The following KRTAP2-4 variants were observed in gnomAD, a reference collection of about 807,000 sequenced individuals.
KRTAP2-4 encodes keratin-associated protein 2-4.
A neutral mutation model predicts 11.5 loss-of-function variants in KRTAP2-4; 7 were observed. The observed-to-expected ratio is 0.61, with a 90% CI of 0.35 to 1.15. The LOEUF is 1.15. Ranked by LOEUF, KRTAP2-4 falls within the 50% of genes most tolerant of loss-of-function variation. The pLI is 0.03. For synonymous variants in KRTAP2-4, 49 were observed against 77.9 expected, an observed-to-expected ratio of 0.63 and a Z score of 1.96; for missense variants, 93 against 183.2, an observed-to-expected ratio of 0.51 and a Z score of 2.84.
rs2013263766 is a variant in KRTAP2-4, at chr17:41,065,601, G to C, written c.245C>G (p.Ser82Trp). 6.6e-7 allele frequency: 1 copy of C among 1,515,454 alleles called. No homozygotes were observed. 93.9% of individuals were successfully genotyped at this position (1,515,454 alleles called of 1,614,324 possible). Residue 82 changes from serine to tryptophan, a missense_variant, in exon 1 of 1, where the codon TCG (serine) becomes TGG (tryptophan). Transcript: ENST00000394015. ...CCTGCACACCACAGCCGTGCACGAC[G>C]AGGGGCAGCAGGTGATGGGGCGGCA... is the stretch of plus-strand genomic sequence containing the variant. ...GCCRPITCCPSSCTAVVCRPC... is the reference protein window; with the variant it reads ...GCCRPITCCPWSCTAVVCRPC...
Position 41,065,484 on chromosome 17 carries a change from G to A in KRTAP2-4, c.362C>T (p.Thr121Ile). The change falls in exon 1 of 1, where the codon ACC becomes ATC. Residue 121 changes from threonine to isoleucine, a missense_variant. Thr to Ile is a moderately conservative substitution (Grantham distance 89). Coordinates refer to ENST00000394015, the MANE Select transcript of KRTAP2-4 (RefSeq NM_033184.4). ...PPCGQPTPCS[T>I]TCRTSSC ...TCAGCAGGAGGAGGTCCTGCAGGTGGTGCTGCAAGGGGTCGGCTGGCCGCA... is the reference window on the plus strand; with the variant it reads ...TCAGCAGGAGGAGGTCCTGCAGGTGATGCTGCAAGGGGTCGGCTGGCCGCA... 1.9e-6 allele frequency: 3 copies of A among 1,580,692 alleles called. No homozygotes were observed. The highest frequency in any genetic ancestry group is 2.6e-6 in the Non-Finnish European group (3 of 1,164,276).
rs1331794572 is a variant in KRTAP2-4 at position 41,065,762 on chromosome 17, G to C, written c.84C>G (p.Pro28=). The C allele has an allele frequency of 1.3e-6, 2 of 1,525,232 alleles. No homozygotes were observed. The highest frequency in any genetic ancestry group is 1.8e-6 in the Non-Finnish European group (2 of 1,141,284). 94.5% of individuals were successfully genotyped at this position (1,525,232 alleles called of 1,614,324 possible). A position where few individuals can be genotyped will look rare whatever the true frequency, so the allele number is the denominator to read the frequency against. Residue 28 remains proline, a synonymous_variant, in exon 1 of 1, where the codon CCC becomes CCG. Coordinates refer to ENST00000394015, the MANE Select transcript of KRTAP2-4 (RefSeq NM_033184.4). The part of the protein sequence containing the change: ...GCCQPCCCRD[P]CCCRPVTCQT... ...GGCAGGTCACGGGGCGGCAGCAGCA[G>C]GGGTCGCGGCAGCAGCAGGGCTGGC... is the stretch of plus-strand genomic sequence containing the variant.
rs1208000073 is a variant in KRTAP2-4 at position 41,065,218 on chromosome 17, C to T, written c.*241G>A. On this transcript the variant is annotated 3_prime_UTR_variant, in exon 1 of 1. Coordinates refer to ENST00000394015, the MANE Select transcript of KRTAP2-4 (RefSeq NM_033184.4). ...ACCATCAGGTTGTAGAATGTGTTTG[C>T]AAAGTCCACCCCAGGAATTCTTAAA... The T allele has an allele frequency of 1.1e-5, 8 of 715,582 alleles. No individual in the cohort carries two copies. The African/African-American group carries it at 1.3e-4, about 11-fold the overall frequency. 44.3% of individuals were successfully genotyped at this position (715,582 alleles called of 1,614,324 possible). A position where few individuals can be genotyped will look rare whatever the true frequency, so the allele number is the denominator to read the frequency against.
chr17:41,065,317 T>C lies in KRTAP2-4; in HGVS notation c.*142A>G. 7.2e-7 allele frequency: 1 copy of C among 1,386,434 alleles called. No individual in the cohort carries two copies. The highest frequency in any genetic ancestry group is 9.5e-7 in the Non-Finnish European group (1 of 1,047,758). The allele number at this position is 1,386,434 out of a possible 1,614,324, so 85.9% of individuals were successfully genotyped here. On this transcript the variant is annotated 3_prime_UTR_variant, in exon 1 of 1. Transcript: ENST00000394015. ...ATGTGGGTGAGGGTGGTAATGGACG[T>C]CTGCTTACACCAGGCTGTATCCAGA...
chr17:41,065,399 T>G lies in KRTAP2-4; in HGVS notation c.*60A>C. The G allele has an allele frequency of 6.6e-7, 1 of 1,514,132 alleles. No individual in the cohort carries two copies. 93.8% of individuals were successfully genotyped at this position (1,514,132 alleles called of 1,614,324 possible). A position where few individuals can be genotyped will look rare whatever the true frequency, so the allele number is the denominator to read the frequency against. On this transcript the variant is annotated 3_prime_UTR_variant, in exon 1 of 1. Coordinates refer to ENST00000394015, the MANE Select transcript of KRTAP2-4 (RefSeq NM_033184.4). ...AAAAATCTATTTTTCTTTTAACTTT[T>G]TAAAAACACCAGATAGATGTTTAGG...
Position 41,065,879 on chromosome 17 carries a change from T to G in KRTAP2-4, c.-34A>C, listed in dbSNP as rs509089. The G allele has an allele frequency of 2.6e-3, 4,012 of 1,526,170 alleles. 45 individuals carry two copies. The highest frequency in any genetic ancestry group is 6.1e-3 in the Admixed American group (309 of 50,386). 94.5% of individuals were successfully genotyped at this position (1,526,170 alleles called of 1,614,324 possible). ...CTGAGGCTGGTGTGGGTTGGGCTAT[T>G]GAGAGGAGCTGGATGTTCTCAGGTG... On this transcript the variant is annotated 5_prime_UTR_variant, in exon 1 of 1. Coordinates refer to ENST00000394015, the MANE Select transcript of KRTAP2-4 (RefSeq NM_033184.4).
At position 41,065,729 on chromosome 17, in the gene KRTAP2-4, G is replaced by C. The variant is rs567834489; in HGVS notation, c.117C>G (p.Thr39=). 1.7e-4 allele frequency: 257 copies of C among 1,505,614 alleles called. No individual in the cohort carries two copies. In the East Asian group the frequency reaches 4.9e-3, roughly 29 times the overall value. The allele number at this position is 1,505,614 out of a possible 1,614,324, so 93.3% of individuals were successfully genotyped here. A position where few individuals can be genotyped will look rare whatever the true frequency, so the allele number is the denominator to read the frequency against. Residue 39 remains threonine (T), a synonymous_variant, in exon 1 of 1, where the codon ACC becomes ACG. Transcript: ENST00000394015. ...GCACGCAGGTCACGGGGCGGCACAC[G>C]GTGGTCTGGCAGGTCACGGGGCGGC... The part of the protein sequence containing the change: ...CCCRPVTCQT[T]VCRPVTCVPR...
In KRTAP2-4 at chr17:41,065,515, G is replaced by T. The variant is rs368479035; in HGVS notation, c.331C>A (p.Pro111Thr). The stretch of plus-strand genomic sequence containing the variant: ...CAAGGGGTCGGCTGGCCGCAGGGGG[G>T]CCGGCAGCAGGGGGACTGCACAGAC... ...PVSVQSPCCR[P>T]PCGQPTPCST... The change falls in exon 1 of 1, where the codon CCC becomes ACC. Residue 111 changes from proline to threonine, a missense_variant. By Grantham distance (38) the Pro-to-Thr change is conservative. Transcript: ENST00000394015. The T allele has an allele frequency of 2.0e-5, 29 of 1,436,746 alleles. 1 individual carries two copies. The South Asian group carries it at 3.5e-4, about 17-fold the overall frequency. 89.0% of individuals were successfully genotyped at this position (1,436,746 alleles called of 1,614,324 possible).
Position 41,065,629 on chromosome 17 carries a change from A to G in KRTAP2-4, c.217T>C (p.Cys73Arg). ...CCDPCSLQEG[C>R]CRPITCCPSS... ...GGGCAGCAGGTGATGGGGCGGCAGC[A>G]GCCTTCCTGCAGGGAGCAGGGGTCG... Residue 73 changes from cysteine to arginine, a missense_variant, in exon 1 of 1, where the codon TGC becomes CGC. Transcript: ENST00000394015. The G allele has an allele frequency of 6.7e-7, 1 of 1,503,102 alleles. No individual in the cohort carries two copies. Among genetic ancestry groups the G allele is most frequent in the South Asian group, 1.2e-5 (1 of 81,612 alleles). The allele number at this position is 1,503,102 out of a possible 1,614,324, so 93.1% of individuals were successfully genotyped here.
In KRTAP2-4 at chr17:41,065,432, G is replaced by A. The variant is rs939158380; in HGVS notation, c.*27C>T. 17 of 1,585,684 alleles carry A rather than the reference G, an allele frequency of 1.1e-5. No homozygotes were observed. Among genetic ancestry groups the A allele is most frequent in the Non-Finnish European group, 1.3e-5 (15 of 1,166,640 alleles). ...ACCAGATAGATGTTTAGGCTTCAGTGTATTGCTCTGTGGGGGCATTGGGGT... is the reference window on the plus strand; with the variant it reads ...ACCAGATAGATGTTTAGGCTTCAGTATATTGCTCTGTGGGGGCATTGGGGT... On this transcript the variant is annotated 3_prime_UTR_variant, in exon 1 of 1. Transcript: ENST00000394015.
In KRTAP2-4 at chr17:41,065,625, C is replaced by T; in HGVS notation, c.221G>A (p.Cys74Tyr). 7.3e-6 allele frequency: 11 copies of T among 1,504,062 alleles called. No individual in the cohort carries two copies. Among genetic ancestry groups the T allele is most frequent in the Non-Finnish European group, 9.8e-6 (11 of 1,124,058 alleles). The allele number at this position is 1,504,062 out of a possible 1,614,324, so 93.2% of individuals were successfully genotyped here. ...CDPCSLQEGC[C>Y]RPITCCPSSC... The stretch of plus-strand genomic sequence containing the variant: ...CGAGGGGCAGCAGGTGATGGGGCGG[C>T]AGCAGCCTTCCTGCAGGGAGCAGGG... Residue 74 changes from cysteine to tyrosine, a missense_variant, in exon 1 of 1, where the codon TGC (cysteine) becomes TAC (tyrosine). Transcript: ENST00000394015.
In KRTAP2-4 at chr17:41,065,227, C is replaced by T. The variant is rs1825371771; in HGVS notation, c.*232G>A. On this transcript the variant is annotated 3_prime_UTR_variant, in exon 1 of 1. Coordinates refer to ENST00000394015, the MANE Select transcript of KRTAP2-4 (RefSeq NM_033184.4). ...TTGTAGAATGTGTTTGCAAAGTCCA[C>T]CCCAGGAATTCTTAAAGGTCGATTT... 4 of 761,402 alleles carry T rather than the reference C, an allele frequency of 5.3e-6. No individual in the cohort carries two copies. Among genetic ancestry groups the T allele is most frequent in the Admixed American group, 3.1e-5 (1 of 32,200 alleles). 47.2% of individuals were successfully genotyped at this position (761,402 alleles called of 1,614,324 possible).
At position 41,065,663 on chromosome 17, in the gene KRTAP2-4, C is replaced by T. The variant is rs372017239; in HGVS notation, c.183G>A (p.Pro61=). ...TRPICEPCRR[P]VCCDPCSLQE... ...GCAGGGAGCAGGGGTCGCAGCACAC[C>T]GGGCGGCGGCAGGGCTCGCAGATGG... The change falls in exon 1 of 1, where the codon CCG becomes CCA. Residue 61 remains proline (P), a synonymous_variant. Coordinates refer to ENST00000394015, the MANE Select transcript of KRTAP2-4 (RefSeq NM_033184.4). The T allele has an allele frequency of 3.5e-5, 51 of 1,465,746 alleles. 1 individual carries two copies. The highest frequency in any genetic ancestry group is 3.5e-4 in the East Asian group (14 of 40,326). 90.8% of individuals were successfully genotyped at this position (1,465,746 alleles called of 1,614,324 possible).
rs1288309499 is a variant in KRTAP2-4 at position 41,065,613 on chromosome 17, G to A, written c.233C>T (p.Thr78Ile). The A allele has an allele frequency of 1.5e-5, 23 of 1,509,950 alleles. No individual in the cohort carries two copies. The highest frequency in any genetic ancestry group is 2.0e-5 in the Non-Finnish European group (22 of 1,127,702). The allele number at this position is 1,509,950 out of a possible 1,614,324, so 93.5% of individuals were successfully genotyped here. ...SLQEGCCRPI[T>I]CCPSSCTAVV... ...AGCCGTGCACGACGAGGGGCAGCAG[G>A]TGATGGGGCGGCAGCAGCCTTCCTG... The change falls in exon 1 of 1, where the codon ACC becomes ATC. Residue 78 changes from threonine (T) to isoleucine (I), a missense_variant. Thr to Ile is a moderately conservative substitution (Grantham distance 89, BLOSUM62 -1). Coordinates refer to ENST00000394015, the MANE Select transcript of KRTAP2-4 (RefSeq NM_033184.4).
rs931458225 is a variant in KRTAP2-4, at chr17:41,065,391, T to G, written c.*68A>C. ...TTGTGAAAAAAAATCTATTTTTCTT[T>G]TAACTTTTTAAAAACACCAGATAGA... On this transcript the variant is annotated 3_prime_UTR_variant, in exon 1 of 1. Coordinates refer to ENST00000394015, the MANE Select transcript of KRTAP2-4 (RefSeq NM_033184.4). 4.6e-6 allele frequency: 7 copies of G among 1,507,306 alleles called. No individual in the cohort carries two copies. The highest frequency in any genetic ancestry group is 5.3e-6 in the Non-Finnish European group (6 of 1,123,768). 93.4% of individuals were successfully genotyped at this position (1,507,306 alleles called of 1,614,324 possible). A position where few individuals can be genotyped will look rare whatever the true frequency, so the allele number is the denominator to read the frequency against.
Position 41,065,369 on chromosome 17 carries a change from T to C in KRTAP2-4, c.*90A>G. 1 of 1,485,568 alleles carries C rather than the reference T, an allele frequency of 6.7e-7. No individual in the cohort carries two copies. Among genetic ancestry groups the C allele is most frequent in the South Asian group, 1.4e-5 (1 of 74,058 alleles). The allele number at this position is 1,485,568 out of a possible 1,614,324, so 92.0% of individuals were successfully genotyped here. A position where few individuals can be genotyped will look rare whatever the true frequency, so the allele number is the denominator to read the frequency against. On this transcript the variant is annotated 3_prime_UTR_variant, in exon 1 of 1. Transcript: ENST00000394015. ...GGTAAAAATCACTATTGTCACCTTG[T>C]GAAAAAAAATCTATTTTTCTTTTAA...
rs947792038 is a variant in KRTAP2-4 at position 41,065,795 on chromosome 17, T to A, written c.51A>T (p.Gly17=). 6.5e-5 allele frequency: 99 copies of A among 1,529,316 alleles called. No homozygotes were observed. The highest frequency in any genetic ancestry group is 8.0e-5 in the Non-Finnish European group (91 of 1,144,008). 94.7% of individuals were successfully genotyped at this position (1,529,316 alleles called of 1,614,324 possible). ...GSTLSSLSYG[G]GCCQPCCCRD... ...GGCAGCAGCAGGGCTGGCAGCAGCCTCCCCCGTAGCTCAGGGAGGACAAGG... is the reference window on the plus strand; with the variant it reads ...GGCAGCAGCAGGGCTGGCAGCAGCCACCCCCGTAGCTCAGGGAGGACAAGG... Residue 17 remains glycine, a synonymous_variant, in exon 1 of 1, where the codon GGA becomes GGT. Transcript: ENST00000394015.
rs2143817122 is a variant in KRTAP2-4 at position 41,065,697 on chromosome 17, C to T, written c.149G>A (p.Cys50Tyr). The change falls in exon 1 of 1, where the codon TGC becomes TAC. Residue 50 changes from cysteine to tyrosine, a missense_variant. Physicochemically the swap from Cys to Tyr is radical, Grantham distance 194. Coordinates refer to ENST00000394015, the MANE Select transcript of KRTAP2-4 (RefSeq NM_033184.4). The part of the protein sequence containing the change: ...VCRPVTCVPR[C>Y]TRPICEPCRR... The stretch of plus-strand genomic sequence containing the variant: ...GCAGGGCTCGCAGATGGGGCGCGTG[C>T]AGCGGGGCACGCAGGTCACGGGGCG... The T allele has an allele frequency of 1.4e-6, 2 of 1,475,942 alleles. No individual in the cohort carries two copies. Among genetic ancestry groups the T allele is most frequent in the African/African-American group, 2.8e-5 (2 of 71,730 alleles). 91.4% of individuals were successfully genotyped at this position (1,475,942 alleles called of 1,614,324 possible).
rs966593747 is a variant in KRTAP2-4, at chr17:41,065,543, A to C, written c.303T>G (p.Pro101=). 1 of 1,536,344 alleles carries C rather than the reference A, an allele frequency of 6.5e-7. No homozygotes were observed. The highest frequency in any genetic ancestry group is 8.7e-7 in the Non-Finnish European group (1 of 1,144,006). The change falls in exon 1 of 1, where the codon CCT becomes CCG. Residue 101 remains proline (P), a synonymous_variant. Transcript: ENST00000394015. The part of the protein sequence containing the change: ...PCCWATTCCQ[P]VSVQSPCCRP... The stretch of plus-strand genomic sequence containing the variant: ...GGCAGCAGGGGGACTGCACAGACAC[A>C]GGCTGGCAGCAGGTGGTGGCCCAGC...
Sources: gnomAD v4.1 joint callset for allele counts on GRCh38, gnomAD v4.1.1 for gene constraint, MANE v1.5 for transcripts, NCBI Gene and HGNC (gene_info 2026-07-23, HGNC 2026-07-21) for gene names.